TIGAR: variants seen among roughly 807,000 people sequenced by gnomAD.
The protein encoded by TIGAR is TP53 induced glycolysis regulatory phosphatase.
TIGAR carries 7 observed loss-of-function variants against 17.9 expected under a neutral mutation model. That is an observed-to-expected ratio of 0.39 (90% CI 0.22 to 0.73). The LOEUF is 0.73. TIGAR is among the 30% of genes least tolerant of loss of function. The probability of loss-of-function intolerance (pLI) is 0.42; values close to 1 mark genes in which losing one functional copy is unlikely to be tolerated. For synonymous variants in TIGAR, 94 were observed against 108.6 expected, an observed-to-expected ratio of 0.87 and a Z score of 0.84; for missense variants, 258 against 327.4, an observed-to-expected ratio of 0.79 and a Z score of 1.64.
intron 3 of TIGAR, among the ~76,000 whole-genome samples, chr12:4,339,740 A>G (rs946161515): frequency 1.3e-5 from 2 of 152,386 alleles, no homozygotes; most frequent in Admixed American, 6.5e-5. Context: ...GGATGTTTCA[A>G]CATAAACAAG....
intron 3 of TIGAR, among the ~76,000 whole-genome samples, chr12:4,347,928 G>A (rs1864798661): frequency 6.6e-6 from 1 of 152,154 alleles, no homozygotes; most frequent in South Asian, 2.1e-4. Context: ...TTGAGCTCAG[G>A]AGTTTGAGAC....
rs144427122 is a variant in TIGAR at position 4,327,729 on chromosome 12, G to A, written c.33-3551G>A. 2.0e-3 allele frequency among the ~76,000 whole-genome samples: 302 copies of A among 152,250 alleles called. 2 individuals are homozygous for A. Among genetic ancestry groups the A allele is most frequent in the African/African-American group, 6.4e-3 (265 of 41,542 alleles). On this transcript the variant is annotated intron_variant, in intron 1 of 5. Transcript: ENST00000179259. ...CTTGTTTTGTTTTGTTTTTGAGGGC[G>A]CAATCTCGGCTCACTGCAGCCTCCG...
chr12:4,346,838 A>G (rs965196059), intron 3 of TIGAR, among the ~76,000 whole-genome samples: 11 of 152,220 alleles, frequency 7.2e-5, no homozygotes, highest in Admixed American at 4.6e-4. Flanking sequence ...ATGCATATCC[A>G]AACTACAATG....
intron 1 of TIGAR, among the ~76,000 whole-genome samples, chr12:4,326,876 C>G (rs1864551644): frequency 1.3e-5 from 2 of 152,148 alleles, no homozygotes; most frequent in South Asian, 4.1e-4. Flanking sequence ...GTGGCTCTTG[C>G]ATGATTTCTT....
At chr12:4,339,377 A>G (rs772505615) in intron 3 of TIGAR, among the ~76,000 whole-genome samples, 40 of 152,216 alleles carry the variant, frequency 2.6e-4, no homozygotes, top group Non-Finnish European at 4.7e-4. Context: ...TAAACAGAAT[A>G]ATAACAAGTA....
At chr12:4,327,972 G>A (rs1232979222) in intron 1 of TIGAR, among the ~76,000 whole-genome samples, 3 of 151,618 alleles carry the variant, frequency 2.0e-5, no homozygotes, top group African/African-American at 7.3e-5. Context: ...AGCCGAGGAT[G>A]TTACTTATAT....
chr12:4,332,331 C>T (rs529919176), intron 2 of TIGAR, among the ~76,000 whole-genome samples: 2 of 151,354 alleles, frequency 1.3e-5, no homozygotes, highest in South Asian at 4.2e-4. Context: ...CAACCTCCGC[C>T]TCCCAGGTTC....
At chr12:4,324,474 G>A (rs1487362578) in intron 1 of TIGAR, 5 of 1,597,376 alleles carry the variant, frequency 3.1e-6, no homozygotes, top group East Asian at 2.2e-5. Flanking sequence ...GGTAGTGACT[G>A]ATCATCTCCG....
rs1429852831 is a variant in TIGAR at position 4,352,580 on chromosome 12, G to A, written c.702G>A (p.Gly234=). The A allele has an allele frequency of 6.2e-7, 1 of 1,613,576 alleles. No individual in the cohort carries two copies. The highest frequency in any genetic ancestry group is 1.1e-5 in the South Asian group (1 of 91,078). The change falls in exon 6 of 6, where the codon GGG becomes GGA. Residue 234 remains glycine (G), a synonymous_variant. Transcript: ENST00000179259. The stretch of plus-strand genomic sequence containing the variant: ...TTATGTCAGTCACTCCCAATACAGG[G>A]ATGAGTCTCTTTATCATAAACTTTG... ...SELMSVTPNT[G]MSLFIINFEE... is the part of the protein sequence containing the mutation.
rs1450132282 is a variant in TIGAR at position 4,358,599 on chromosome 12, A to G, written c.*5908A>G. Among the ~76,000 whole-genome samples, 1 of 151,728 alleles carries G rather than the reference A, an allele frequency of 6.6e-6. No individual in the cohort carries two copies. The highest frequency in any genetic ancestry group is 1.5e-5 in the Non-Finnish European group (1 of 68,006). Reference sequence around the variant, plus strand: ...ATTTCAATGTGTGTTTCCTGAGATCAACAATGTTCTTATATATAACCCAGA... The same window carrying G: ...ATTTCAATGTGTGTTTCCTGAGATCGACAATGTTCTTATATATAACCCAGA... On this transcript the variant is annotated 3_prime_UTR_variant, in exon 6 of 6. Transcript: ENST00000179259.
rs201324724 is a variant in TIGAR, at chr12:4,358,725, CTTT to C, written c.*6045_*6047del. Among the ~76,000 whole-genome samples, 12 of 141,796 alleles carry C rather than the reference CTTT, an allele frequency of 8.5e-5. No homozygotes were observed. The highest frequency in any genetic ancestry group is 3.3e-3 in the Middle Eastern group (1 of 304). The allele number at this position is 141,796 out of a possible 152,430, so 93.0% of individuals were successfully genotyped here. A position where few individuals can be genotyped will look rare whatever the true frequency, so the allele number is the denominator to read the frequency against. Reference sequence around the variant, plus strand: ...AATTATTTTGTTGATGTACCTGTGGCTTTTTTTTTTTTTCTGAATCAAGAATCC... The same window carrying C: ...AATTATTTTGTTGATGTACCTGTGGCTTTTTTTTTTCTGAATCAAGAATCC... On this transcript the variant is annotated 3_prime_UTR_variant, in exon 6 of 6. Coordinates refer to ENST00000179259, the MANE Select transcript of TIGAR (RefSeq NM_020375.3).
At chr12:4,335,647 G>A (rs905097213) in intron 2 of TIGAR, 6 of 152,282 alleles carry the variant, frequency 3.9e-5, no homozygotes, top group African/African-American at 1.4e-4. Flanking sequence ...CCAGCCTCCA[G>A]AACTGTGAGA....
intron 2 of TIGAR, among the ~76,000 whole-genome samples, chr12:4,336,617 G>A (rs1203303370): frequency 6.6e-6 from 1 of 152,140 alleles, no homozygotes; most frequent in Non-Finnish European, 1.5e-5. Flanking sequence ...GAAATGGAGG[G>A]AGGAAGGAAA....
In TIGAR at chr12:4,355,791, C is replaced by G. The variant is rs761152601; in HGVS notation, c.*3100C>G. ...TAGGTCAGAGTAAGGGGGATGGAGA[C>G]TGGTGGGAGGAATGCTGCTTTATCC... On this transcript the variant is annotated 3_prime_UTR_variant, in exon 6 of 6. Transcript: ENST00000179259. Among the ~76,000 whole-genome samples, 1 of 152,088 alleles carries G rather than the reference C, an allele frequency of 6.6e-6. No individual in the cohort carries two copies. Among genetic ancestry groups the G allele is most frequent in the Non-Finnish European group, 1.5e-5 (1 of 68,008 alleles).
intron 3 of TIGAR, among the ~76,000 whole-genome samples, chr12:4,343,239 C>T (rs955644849): frequency 9.2e-5 from 14 of 152,114 alleles, no homozygotes; most frequent in African/African-American, 3.1e-4. Context: ...TAAAGCAAGT[C>T]CTTAGTGACC....
At chr12:4,333,609 C>A (rs547964838) in intron 2 of TIGAR, among the ~76,000 whole-genome samples, 2 of 152,294 alleles carry the variant, frequency 1.3e-5, no homozygotes, top group African/African-American at 4.8e-5. Context: ...GCTGGGATTA[C>A]AGGTGCACAC....
rs1483101603 is a variant in TIGAR, at chr12:4,336,947, A to G, written c.71-92A>G. The G allele has an allele frequency of 6.0e-6, 8 of 1,326,226 alleles. No individual in the cohort carries two copies. The Admixed American group carries it at 1.9e-4, about 31-fold the overall frequency. 82.2% of individuals were successfully genotyped at this position (1,326,226 alleles called of 1,614,324 possible). A position where few individuals can be genotyped will look rare whatever the true frequency, so the allele number is the denominator to read the frequency against. On this transcript the variant is annotated intron_variant, in intron 2 of 5. Coordinates refer to ENST00000179259, the MANE Select transcript of TIGAR (RefSeq NM_020375.3). The stretch of plus-strand genomic sequence containing the variant: ...CTTAAAAAATCTTTCATTAAAATTT[A>G]GATAAATGCAGCTTATATTTTCTAC...
At chr12:4,338,807 G>A (rs561044689) in intron 3 of TIGAR, among the ~76,000 whole-genome samples, 13 of 151,814 alleles carry the variant, frequency 8.6e-5, no homozygotes, top group East Asian at 5.8e-4. Context: ...GTGAAACACC[G>A]TCTCCACTGA....
At chr12:4,350,871 C>T (rs911598947) in intron 4 of TIGAR, among the ~76,000 whole-genome samples, 1 of 151,996 alleles carries the variant, frequency 6.6e-6, no homozygotes. Flanking sequence ...ATTTATTTAG[C>T]TATTTCATGG....
Sources: gnomAD v4.1 joint callset for allele counts (sites outside exome capture counted in the v4.1 genomes callset) on GRCh38, gnomAD v4.1.1 for gene constraint, MANE v1.5 for transcripts, NCBI Gene and HGNC (gene_info 2026-07-23, HGNC 2026-07-21) for gene names.